The following CTNNA1 variants were observed in gnomAD, a reference collection of about 807,000 sequenced individuals.
The protein encoded by CTNNA1 is catenin alpha-1.
CTNNA1 carries 37 observed loss-of-function variants against 98.4 expected under a neutral mutation model. The ratio of observed to expected loss-of-function variants is 0.38; its 90% confidence interval spans 0.29 to 0.49. The LOEUF (loss-of-function observed/expected upper bound fraction) is 0.49, where lower values mean the gene tolerates loss of function less well. Among genes scored for constraint, CTNNA1 ranks in the 20% least tolerant of loss-of-function variants. CTNNA1 has a pLI of 0.95. For missense variants in CTNNA1, 761 were observed against 1,147.2 expected (o/e 0.66, Z 4.86); for synonymous variants, 404 against 413.2 (o/e 0.98, Z 0.27).
At chr5:138,870,675 C>T (rs903166554) in intron 7 of CTNNA1, 3 of 152,218 alleles carry the variant, frequency 2.0e-5, no homozygotes, top group African/African-American at 7.2e-5. Flanking sequence ...TACTCCTCTG[C>T]TGTCCTTCAG....
intron 7 of CTNNA1, among the ~76,000 whole-genome samples, chr5:138,834,976 T>C (rs1412037029): frequency 6.6e-6 from 1 of 152,132 alleles, no homozygotes; most frequent in Non-Finnish European, 1.5e-5. Context: ...GTGGATCTTA[T>C]GAAGTACATT....
At chr5:138,785,821 T>C (rs890738969) in intron 3 of CTNNA1, among the ~76,000 whole-genome samples, 2 of 152,174 alleles carry the variant, frequency 1.3e-5, no homozygotes, top group East Asian at 1.9e-4. Context: ...CTCGAACTCC[T>C]GACCTCAAGT....
At chr5:138,825,482 G>GTTCTTTTTTTTTTTT (rs1554085135) in intron 6 of CTNNA1, among the ~76,000 whole-genome samples, 1 of 74,114 alleles carries the variant, frequency 1.3e-5, no homozygotes, top group Admixed American at 1.9e-4. Flanking sequence ...AGCAGTATAA[G>GTTCTTTTTTTTTTTT]TTTTTTTTTT....
At chr5:138,824,971 A>G (rs1485460853) in intron 6 of CTNNA1, among the ~76,000 whole-genome samples, 172 bp downstream of exon 6, 1 of 152,244 alleles carries the variant, frequency 6.6e-6, no homozygotes, top group Non-Finnish European at 1.5e-5. Context: ...AACTTGGCCT[A>G]AAACATTTAT....
chr5:138,876,850 A>G (rs544626915), intron 7 of CTNNA1, among the ~76,000 whole-genome samples: 10 of 152,190 alleles, frequency 6.6e-5, no homozygotes, highest in Admixed American at 1.3e-4. Flanking sequence ...GCAGCAGTGC[A>G]GGTGTGTGGT....
chr5:138,874,442 C>A lies in CTNNA1; in HGVS notation c.1063-11770C>A. ...GTCGCAGTAGAAGAGCAGCTTCTCG[C>A]AGCGGCATTTGGGTGGACACGCCAT... is the stretch of plus-strand genomic sequence containing the variant. On this transcript the variant is annotated intron_variant, in intron 7 of 17. Transcript: ENST00000302763. The surrounding 1 kb of genome is among the most constrained non-coding windows in gnomAD (Gnocchi z 4.1). 2 of 1,613,794 alleles carry A rather than the reference C, an allele frequency of 1.2e-6. No individual in the cohort carries two copies. The highest frequency in any genetic ancestry group is 1.7e-6 in the Non-Finnish European group (2 of 1,179,818).
intron 14 of CTNNA1, 41 bp downstream of exon 14, chr5:138,929,397 G>A (rs1339576506): frequency 3.1e-6 from 3 of 952,712 alleles, no homozygotes; most frequent in East Asian, 2.4e-5. Flanking sequence ...TTGTGCTGCC[G>A]ACTTTCCCTG....
chr5:138,891,621 A>C (rs1157323421), intron 9 of CTNNA1, among the ~76,000 whole-genome samples: 1 of 152,138 alleles, frequency 6.6e-6, no homozygotes, highest in Non-Finnish European at 1.5e-5. Flanking sequence ...TTAGCCGGGC[A>C]TGGTGGCGGG....
At chr5:138,869,005 C>G (rs1253357664) in intron 7 of CTNNA1, 3 of 147,068 alleles carry the variant, frequency 2.0e-5, no homozygotes, top group African/African-American at 5.0e-5. Context: ...TCCCAAAACA[C>G]CCTGCATAAT....
chr5:138,837,536 C>G (rs1325324766), intron 7 of CTNNA1, among the ~76,000 whole-genome samples: 10 of 127,642 alleles, frequency 7.8e-5, no homozygotes, highest in African/African-American at 2.1e-4. Flanking sequence ...TCTCCTCCCC[C>G]CCCTTTCCCC....
At chr5:138,882,995 A>G (rs978612886) in intron 7 of CTNNA1, among the ~76,000 whole-genome samples, 1 of 152,038 alleles carries the variant, frequency 6.6e-6, no homozygotes, top group Non-Finnish European at 1.5e-5. Context: ...CGCCTGGCTA[A>G]TTTTTGTAAT....
At chr5:138,854,379 T>TAA (rs1763529869) in intron 7 of CTNNA1, among the ~76,000 whole-genome samples, 2 of 152,298 alleles carry the variant, frequency 1.3e-5, no homozygotes, top group South Asian at 4.1e-4. Flanking sequence ...CTCTTTGAAA[T>TAA]AAATAGGGGC....
chr5:138,920,123 T>C (rs1055366373), intron 11 of CTNNA1, among the ~76,000 whole-genome samples: 1 of 151,864 alleles, frequency 6.6e-6, no homozygotes, highest in Non-Finnish European at 1.5e-5. Context: ...GGATTACAGG[T>C]GCTTGCCACC....
At chr5:138,825,482 G>GATTTTTTTTTTTTTT (rs1760578153) in intron 6 of CTNNA1, among the ~76,000 whole-genome samples, 1 of 74,114 alleles carries the variant, frequency 1.3e-5, no homozygotes, top group Non-Finnish European at 2.4e-5. Context: ...AGCAGTATAA[G>GATTTTTTTTTTTTTT]TTTTTTTTTT....
At chr5:138,923,192 T>C (rs1763279199) in intron 11 of CTNNA1, among the ~76,000 whole-genome samples, 2 of 152,222 alleles carry the variant, frequency 1.3e-5, no homozygotes, top group South Asian at 2.1e-4. Flanking sequence ...GCAGCAGTTT[T>C]TAACCCAAGA....
intron 3 of CTNNA1, among the ~76,000 whole-genome samples, chr5:138,805,895 TTGA>T (rs1022210729): frequency 6.6e-6 from 1 of 152,110 alleles, no homozygotes; most frequent in African/African-American, 2.4e-5. Context: ...TTAAATTTTT[TTGA>T]TGATGTCAAA....
intron 3 of CTNNA1, among the ~76,000 whole-genome samples, chr5:138,804,022 C>T (rs1757839749): frequency 6.6e-6 from 1 of 152,214 alleles, no homozygotes; most frequent in Admixed American, 6.5e-5. Flanking sequence ...AAGACCTTTT[C>T]TCTGTCTTCT....
intron 7 of CTNNA1, among the ~76,000 whole-genome samples, chr5:138,834,855 C>T (rs1017615857): frequency 1.3e-5 from 2 of 152,020 alleles, no homozygotes; most frequent in African/African-American, 2.4e-5. Flanking sequence ...CACCTGGGTG[C>T]GGGCGGGCTG....
At position 138,887,539 on chromosome 5, in the gene CTNNA1, A is replaced by G. The variant is rs200549409; in HGVS notation, c.1193A>G (p.Asn398Ser). The G allele has an allele frequency of 1.3e-4, 213 of 1,611,606 alleles. No homozygotes were observed. The highest frequency in any genetic ancestry group is 4.7e-4 in the African/African-American group (35 of 74,936). Reference protein sequence around the residue: ...DHVSDSFLETNVPLLVLIEAA... With the variant: ...DHVSDSFLETSVPLLVLIEAA... Reference sequence around the variant, plus strand: ...GTTTCAGATTCTTTCCTGGAAACCAATGTTCCACTTTTGGTATTGATTGAA... The same window carrying G: ...GTTTCAGATTCTTTCCTGGAAACCAGTGTTCCACTTTTGGTATTGATTGAA... The change falls in exon 9 of 18, where the codon AAT becomes AGT. Residue 398 changes from asparagine to serine, a missense_variant. Asn to Ser is a conservative substitution (Grantham distance 46, BLOSUM62 1). This residue lies in a region of CTNNA1 where 287 missense variants were observed against 436.0 expected (regional missense o/e 0.66). Coordinates refer to ENST00000302763, the MANE Select transcript of CTNNA1 (RefSeq NM_001903.5).
Sources: gnomAD v4.1 joint callset for allele counts (sites outside exome capture counted in the v4.1 genomes callset) on GRCh38, gnomAD v4.1.1 for gene constraint, gnomAD v4.1.1 regional missense constraint, Gnocchi (gnomAD v3.1) non-coding constraint, MANE v1.5 for transcripts, NCBI Gene and HGNC (gene_info 2026-07-23, HGNC 2026-07-21) for gene names.